RUFY4: variants seen among roughly 807,000 people sequenced by gnomAD.
RUFY4 encodes RUN and FYVE domain-containing protein 4.
Under a neutral mutation model 69.0 loss-of-function variants are expected in RUFY4, and 73 were observed. The ratio of observed to expected loss-of-function variants is 1.06; its 90% CI spans 0.88 to 1.29. The LOEUF (loss-of-function observed/expected upper bound fraction) is 1.29, where lower values mean the gene tolerates loss of function less well. RUFY4 is among the 50% of genes most tolerant of loss of function. The probability of loss-of-function intolerance (pLI) is 0.00; values close to 1 mark genes in which losing one functional copy is unlikely to be tolerated. For synonymous variants in RUFY4, 287 were observed against 271.8 expected (o/e 1.06, Z -0.55); for missense variants, 770 against 705.6 (o/e 1.09, Z -1.03).
intron 9 of RUFY4, 146 bp downstream of exon 11, chr2:218,083,402 G>C: frequency 9.1e-7 from 1 of 1,099,506 alleles, no homozygotes; most frequent in East Asian, 2.8e-5. Flanking sequence ...GTTTCTTTTA[G>C]CCACTCCCTG....
At chr2:218,071,638 A>G (rs1689489413) in intron 2 of RUFY4, among the ~76,000 whole-genome samples, 2 of 152,024 alleles carry the variant, frequency 1.3e-5, no homozygotes, top group South Asian at 4.2e-4. Context: ...CCCATCCCCC[A>G]TCTCAGCATT....
chr2:218,047,972 T>G (rs1688867782), intron 2 of RUFY4, among the ~76,000 whole-genome samples: 1 of 152,198 alleles, frequency 6.6e-6, no homozygotes, highest in African/African-American at 2.4e-5. Context: ...AACTTATAAG[T>G]TCTGTTTTTC....
chr2:218,044,363 C>A (rs1274827909), intron 2 of RUFY4, among the ~76,000 whole-genome samples: 4 of 152,158 alleles, frequency 2.6e-5, no homozygotes, highest in Admixed American at 2.6e-4. Context: ...TGATACTATC[C>A]AAGGTGCTTT....
At chr2:218,076,146 G>T (rs1371780291) in intron 7 of RUFY4, among the ~76,000 whole-genome samples, 1 of 152,174 alleles carries the variant, frequency 6.6e-6, no homozygotes, top group Non-Finnish European at 1.5e-5. Flanking sequence ...TCTCCTGGAG[G>T]TCACTCAAGA....
chr2:218,049,291 T>A (rs530364522), intron 2 of RUFY4, among the ~76,000 whole-genome samples: 11 of 152,292 alleles, frequency 7.2e-5, no homozygotes, highest in African/African-American at 2.6e-4. Flanking sequence ...ATGTCCAGAG[T>A]TGGCAGGTGT....
chr2:218,068,189 C>G (rs182163305), upstream of RUFY4, among the ~76,000 whole-genome samples: 106 of 143,614 alleles, frequency 7.4e-4, no homozygotes, highest in East Asian at 0.02. Context: ...GGGCAGGGGA[C>G]TGGAGGAGGG....
At chr2:218,088,863 G>A (rs1344166580) in intron 9 of RUFY4, among the ~76,000 whole-genome samples, 3 of 151,376 alleles carry the variant, frequency 2.0e-5, no homozygotes, top group African/African-American at 4.9e-5. Flanking sequence ...CTCTTTCTCT[G>A]TGTGTGTCTC....
intron 2 of RUFY4, among the ~76,000 whole-genome samples, chr2:218,042,957 G>T (rs1195537203): frequency 6.6e-6 from 1 of 152,126 alleles, no homozygotes; most frequent in Non-Finnish European, 1.5e-5. Flanking sequence ...TTTGTGATTG[G>T]AGTGTTGCTT....
At chr2:218,049,374 G>A (rs767916017) in intron 2 of RUFY4, among the ~76,000 whole-genome samples, 83 of 152,272 alleles carry the variant, frequency 5.5e-4, no homozygotes, top group Non-Finnish European at 9.9e-4. Flanking sequence ...ATTTGAGGTT[G>A]AAAGTTTTTC....
chr2:218,050,446 G>A (rs914510414), intron 2 of RUFY4, among the ~76,000 whole-genome samples: 1 of 152,142 alleles, frequency 6.6e-6, no homozygotes, highest in Non-Finnish European at 1.5e-5. Flanking sequence ...CGAACTGCAG[G>A]AGCAAAAGAG....
At chr2:218,036,385 C>G (rs189121218) in intron 2 of RUFY4, among the ~76,000 whole-genome samples, 32 of 152,278 alleles carry the variant, frequency 2.1e-4, no homozygotes, top group African/African-American at 7.5e-4. Context: ...CCTGGGCTCA[C>G]AGTCCAAGTC....
chr2:218,036,978 T>C (rs751908639), intron 2 of RUFY4, among the ~76,000 whole-genome samples: 31 of 152,206 alleles, frequency 2.0e-4, no homozygotes, highest in Admixed American at 2.6e-4. Context: ...GAAAATTGGA[T>C]TGGAGGAATC....
intron 9 of RUFY4, among the ~76,000 whole-genome samples, chr2:218,085,075 C>T (rs567759549): frequency 9.9e-5 from 15 of 152,006 alleles, no homozygotes; most frequent in Non-Finnish European, 1.6e-4. Flanking sequence ...AAGAAAATTA[C>T]GTGGAACATA....
intron 9 of RUFY4, among the ~76,000 whole-genome samples, chr2:218,088,276 C>T (rs972148750): frequency 6.6e-6 from 1 of 151,810 alleles, no homozygotes; most frequent in African/African-American, 2.4e-5. Context: ...GGGTTCAAGA[C>T]CAGTCTGGGC....
chr2:218,056,260 A>C (rs1232356181), intron 2 of RUFY4, among the ~76,000 whole-genome samples: 2 of 133,876 alleles, frequency 1.5e-5, no homozygotes, highest in African/African-American at 2.9e-5. Flanking sequence ...TCTGCTCTGT[A>C]AGCTCTGCTT....
At chr2:218,082,154 A>G (rs1358130895) in intron 8 of RUFY4, among the ~76,000 whole-genome samples, 1 of 152,260 alleles carries the variant, frequency 6.6e-6, no homozygotes, top group African/African-American at 2.4e-5. Context: ...ACTACACACA[A>G]AAAGAAAAAC....
At chr2:218,074,347 C>G (rs1559433522) in intron 6 of RUFY4, among the ~76,000 whole-genome samples, 1 of 152,078 alleles carries the variant, frequency 6.6e-6, no homozygotes, top group Non-Finnish European at 1.5e-5. Flanking sequence ...TTGTCCTGCC[C>G]CATAGGGATA....
chr2:218,077,497 C>A (rs759187814), intron 8 of RUFY4, among the ~76,000 whole-genome samples: 1 of 152,232 alleles, frequency 6.6e-6, no homozygotes, highest in Non-Finnish European at 1.5e-5. Flanking sequence ...AGCCACCACA[C>A]CCAGCCCATA....
At chr2:218,069,239 C>T (rs1185678774), upstream of RUFY4, 3 of 152,410 alleles carry the variant, frequency 2.0e-5, no homozygotes, top group African/African-American at 7.2e-5. Flanking sequence ...GACTGAGTTA[C>T]TTCTTCCCAG....
Sources: allele counts gnomAD v4.1 joint callset (sites outside exome capture counted in the v4.1 genomes callset), GRCh38; gene constraint gnomAD v4.1.1; transcripts MANE v1.5; gene names NCBI Gene and HGNC (gene_info 2026-07-23, HGNC 2026-07-21).